HERC1: variants seen among roughly 807,000 people sequenced by gnomAD.
HERC1 encodes the protein probable E3 ubiquitin-protein ligase HERC1.
A neutral mutation model predicts 554.3 loss-of-function variants in HERC1; 160 were observed. That is an observed-to-expected ratio of 0.29 (90% CI 0.25 to 0.33). The LOEUF (loss-of-function observed/expected upper bound fraction) is 0.33. HERC1 is among the 10% of genes least tolerant of loss of function. The pLI is 1.00. For missense variants in HERC1, 4,919 were observed against 5,918.5 expected (o/e 0.83, Z 5.54); for synonymous variants, 2,175 against 2,131.7 (o/e 1.02, Z -0.56).
At chr15:63,626,204 C>T in intron 70 of HERC1, 50 bp from the exon 71 acceptor site, 1 of 1,575,664 alleles carries the variant, frequency 6.3e-7, no homozygotes, top group East Asian at 2.2e-5. Context: ...ATTGCTTTCA[C>T]TTTTCACATT....
At chr15:63,744,156 G>C (rs1567077995) in intron 12 of HERC1, among the ~76,000 whole-genome samples, 37 of 41,414 alleles carry the variant, frequency 8.9e-4, no homozygotes, top group African/African-American at 2.4e-3. Context: ...GTGTGTGTGT[G>C]TGTGTGTGTC....
intron 60 of HERC1, 82 bp from the exon 61 acceptor site, chr15:63,640,527 G>A: frequency 1.7e-6 from 2 of 1,153,732 alleles, no homozygotes; most frequent in South Asian, 1.6e-5. Flanking sequence ...CTGAAAGTCT[G>A]GAATCATATT....
In HERC1 at chr15:63,655,802, G is replaced by C. The variant is rs375083953; in HGVS notation, c.10024C>G (p.Leu3342Val). 19 of 1,584,950 alleles carry C rather than the reference G, an allele frequency of 1.2e-5. No homozygotes were observed. The African/African-American group carries it at 2.0e-4, about 17-fold the overall frequency. Residue 3342 changes from leucine (L) to valine (V), a missense_variant, in exon 50 of 78, where the codon CTA (leucine) becomes GTA (valine). Physicochemically the swap from Leu to Val is conservative, Grantham distance 32. This residue lies in a region of HERC1 where 1,963 missense variants were observed against 2,228.6 expected (regional missense o/e 0.88). Transcript: ENST00000443617. ...CTTAGTTTGGCCCCTTTGTCTGCTAGCAATGCCACAAGGGCCTGTGTTACA... is the reference window on the plus strand; with the variant it reads ...CTTAGTTTGGCCCCTTTGTCTGCTACCAATGCCACAAGGGCCTGTGTTACA... ...FVVTQALVALLADKGAKLRPN... is the reference protein window; with the variant it reads ...FVVTQALVALVADKGAKLRPN...
intron 59 of HERC1, among the ~76,000 whole-genome samples, chr15:63,641,863 C>A (rs2069080099): frequency 6.6e-6 from 1 of 151,818 alleles, no homozygotes; most frequent in African/African-American, 2.4e-5. Flanking sequence ...TTGTGAACTA[C>A]CTCTGATTAG....
In HERC1 at chr15:63,677,794, A is replaced by G; in HGVS notation, c.7070+51T>C. The G allele has an allele frequency of 6.4e-7, 1 of 1,565,052 alleles. No homozygotes were observed. The highest frequency in any genetic ancestry group is 1.4e-5 in the African/African-American group (1 of 74,042). ...ACTCACTGTCGACAGGCAATGGCCT[A>G]TTTCACCATTAAATATTTGTTTGCT... is the stretch of plus-strand genomic sequence containing the variant. On this transcript the variant is annotated intron_variant, in intron 37 of 77. Coordinates refer to ENST00000443617, the MANE Select transcript of HERC1 (RefSeq NM_003922.4). The surrounding 1 kb of genome is among the most constrained non-coding windows in gnomAD (Gnocchi z 4.4).
chr15:63,767,064 C>T (rs1405131708), intron 2 of HERC1, among the ~76,000 whole-genome samples: 1 of 151,412 alleles, frequency 6.6e-6, no homozygotes, highest in Admixed American at 6.6e-5. Flanking sequence ...TGCAGTAGCG[C>T]AGTCTCGGCT....
chr15:63,768,705 T>C (rs1384595361), intron 2 of HERC1, among the ~76,000 whole-genome samples: 3 of 152,228 alleles, frequency 2.0e-5, no homozygotes, highest in African/African-American at 4.8e-5. Context: ...GAGAAAAATG[T>C]TGAAAACAGC....
At position 63,612,491 on chromosome 15, in the gene HERC1, T is replaced by C. The variant is rs755140977; in HGVS notation, c.14160A>G (p.Ala4720=). ...VPVPLLSLLT[A]KQLEQMVCGM... ...CACACACCATCTGCTCCAGTTGTTT[T>C]GCTGTGAGGAGGGACAGCAGCGGCA... Residue 4720 remains alanine, a synonymous_variant, in exon 77 of 78, where the codon GCA becomes GCG. Coordinates refer to ENST00000443617, the MANE Select transcript of HERC1 (RefSeq NM_003922.4). The surrounding 1 kb of genome is among the most constrained non-coding windows in gnomAD (Gnocchi z 5.0). The C allele has an allele frequency of 3.7e-6, 6 of 1,613,918 alleles. No homozygotes were observed. In the East Asian group the frequency reaches 1.3e-4, roughly 36 times the overall value.
intron 45 of HERC1, 34 bp downstream of exon 45, chr15:63,661,719 A>T (rs1357812964): frequency 1.2e-6 from 2 of 1,605,142 alleles, no homozygotes. Flanking sequence ...AGGTATCTTC[A>T]GGAGGTCTGG....
chr15:63,772,075 T>A (rs2075972316), intron 2 of HERC1, among the ~76,000 whole-genome samples: 1 of 148,802 alleles, frequency 6.7e-6, no homozygotes, highest in Admixed American at 6.7e-5. Flanking sequence ...TGAACCAAGA[T>A]CACGCCACTA....
rs751637944 is a variant in HERC1 at position 63,756,766 on chromosome 15, T to C, written c.1222-18A>G. The C allele has an allele frequency of 4.0e-6, 6 of 1,481,952 alleles. No individual in the cohort carries two copies. In the Admixed American group the frequency reaches 6.4e-5, roughly 16 times the overall value. The allele number at this position is 1,481,952 out of a possible 1,614,324, so 91.8% of individuals were successfully genotyped here. A position where few individuals can be genotyped will look rare whatever the true frequency, so the allele number is the denominator to read the frequency against. ...GCTTCAATCTATAAACAAAGAATCA[T>C]AAATATAAAATACTTCTGTGAGTAT... is the stretch of plus-strand genomic sequence containing the variant. On this transcript the variant is annotated intron_variant, in intron 4 of 77. Coordinates refer to ENST00000443617, the MANE Select transcript of HERC1 (RefSeq NM_003922.4). This position sits in a 1 kb window ranked among gnomAD's most constrained non-coding sequence, Gnocchi z 5.0.
chr15:63,672,912 T>G (rs1490407901), intron 38 of HERC1, among the ~76,000 whole-genome samples: 1 of 152,204 alleles, frequency 6.6e-6, no homozygotes, highest in Non-Finnish European at 1.5e-5. Context: ...CAGACAGTAT[T>G]GTAATGAGCC....
chr15:63,706,345 A>C (rs1220078837), intron 25 of HERC1, among the ~76,000 whole-genome samples: 1 of 152,132 alleles, frequency 6.6e-6, no homozygotes, highest in Non-Finnish European at 1.5e-5. Context: ...GAAACTTTTT[A>C]TTTCAACGTG....
rs998315263 is a variant in HERC1 at position 63,756,048 on chromosome 15, T to C, written c.1533+389A>G. ...TTTAATATTATCTGAAATTATTCTA[T>C]ATGCTTGTTAACTTATTATCTCTAT... On this transcript the variant is annotated intron_variant, in intron 5 of 77. Coordinates refer to ENST00000443617, the MANE Select transcript of HERC1 (RefSeq NM_003922.4). The surrounding 1 kb of genome is among the most constrained non-coding windows in gnomAD (Gnocchi z 5.0). Among the ~76,000 whole-genome samples, 1 of 152,222 alleles carries C rather than the reference T, an allele frequency of 6.6e-6. No homozygotes were observed. The highest frequency in any genetic ancestry group is 2.4e-5 in the African/African-American group (1 of 41,454).
chr15:63,799,607 T>C (rs2076916315), intron 1 of HERC1, among the ~76,000 whole-genome samples: 1 of 152,004 alleles, frequency 6.6e-6, no homozygotes, highest in South Asian at 2.1e-4. Context: ...ATGATCTCCA[T>C]GGGTAGTAGT....
At position 63,680,483 on chromosome 15, in the gene HERC1, T is replaced by A. The variant is rs1431553807; in HGVS notation, c.6465+54A>T. 3.2e-6 allele frequency: 5 copies of A among 1,582,200 alleles called. No homozygotes were observed. The highest frequency in any genetic ancestry group is 4.3e-6 in the Non-Finnish European group (5 of 1,162,998). On this transcript the variant is annotated intron_variant, in intron 35 of 77. Coordinates refer to ENST00000443617, the MANE Select transcript of HERC1 (RefSeq NM_003922.4). The surrounding 1 kb of genome is among the most constrained non-coding windows in gnomAD (Gnocchi z 5.8). ...AATACGTGGCACTTGAATAACCGAG[T>A]TGACTATAAATAGAAACAAGAAAAA... is the stretch of plus-strand genomic sequence containing the variant.
At chr15:63,754,702 G>A in intron 6 of HERC1, 54 bp from the exon 7 acceptor site, 2 of 1,506,594 alleles carry the variant, frequency 1.3e-6, no homozygotes, top group Non-Finnish European at 1.8e-6. Context: ...TTTTTCTCTA[G>A]GCCTTGACTT....
chr15:63,755,889 A>G (rs913623952), intron 5 of HERC1, among the ~76,000 whole-genome samples: 3 of 152,142 alleles, frequency 2.0e-5, no homozygotes, highest in Non-Finnish European at 4.4e-5. Context: ...GTCCTTGGCA[A>G]TTACTTAGGT....
rs1344135029 is a variant in HERC1, at chr15:63,694,407, G to A, written c.5385C>T (p.Pro1795=). ...CACCCGTCTTTGGCAACAACTGCAG[G>A]GGCTGTCCTAGCATGGTGTCTGTAC... ...LCGTDTMLGQ[P]LQLLPKTGVS... is the part of the protein sequence containing the mutation. Residue 1795 remains proline (P), a synonymous_variant, in exon 29 of 78, where the codon CCC becomes CCT. Coordinates refer to ENST00000443617, the MANE Select transcript of HERC1 (RefSeq NM_003922.4). The surrounding 1 kb of genome is among the most constrained non-coding windows in gnomAD (Gnocchi z 4.3). 1 of 1,613,942 alleles carries A rather than the reference G, an allele frequency of 6.2e-7. No homozygotes were observed. The highest frequency in any genetic ancestry group is 1.7e-5 in the Admixed American group (1 of 60,020).
Sources: allele counts gnomAD v4.1 joint callset (sites outside exome capture counted in the v4.1 genomes callset), GRCh38; gene constraint gnomAD v4.1.1; regional missense constraint gnomAD v4.1.1; non-coding constraint Gnocchi (gnomAD v3.1); transcripts MANE v1.5; gene names NCBI Gene and HGNC (gene_info 2026-07-23, HGNC 2026-07-21).